The following DMD variants were observed in gnomAD, a reference collection of about 807,000 sequenced individuals.
The protein encoded by DMD is mutant dystrophin.
DMD carries 63 observed loss-of-function variants against 330.1 expected under a neutral mutation model. The ratio of observed to expected loss-of-function variants is 0.19; its 90% CI spans 0.16 to 0.24. DMD has a LOEUF of 0.24. DMD is among the 10% of genes least tolerant of loss of function. DMD has a pLI of 1.00. For missense variants in DMD, 3,344 were observed against 2,684.1 expected, an observed-to-expected ratio of 1.25 and a Z score of -5.43; for synonymous variants, 1,223 against 959.8, an observed-to-expected ratio of 1.27 and a Z score of -5.07.
At chrX:32,041,318 C>A (rs748665774) in intron 44 of DMD, among the ~76,000 whole-genome samples, 14 of 111,938 alleles carry the variant, frequency 1.3e-4, no homozygotes, top group Non-Finnish European at 7.5e-5. Flanking sequence ...TCTCTCCCCC[C>A]TTCCTGGTGA....
intron 51 of DMD, among the ~76,000 whole-genome samples, chrX:31,771,195 T>C (rs1166704128): frequency 9.0e-6 from 1 of 110,622 alleles, no homozygotes; most frequent in Non-Finnish European, 1.9e-5. Flanking sequence ...CTCACACACA[T>C]TTGTTTAATG....
intron 1 of DMD, among the ~76,000 whole-genome samples, chrX:33,288,530 A>G (rs1330109354): frequency 9.0e-6 from 1 of 110,920 alleles, no homozygotes; most frequent in Admixed American, 9.6e-5. Flanking sequence ...TGTACATCCC[A>G]TTGTGACATC....
chrX:31,565,280 ATC>A (rs762602130), intron 55 of DMD, among the ~76,000 whole-genome samples: 4 of 109,513 alleles, frequency 3.7e-5, no homozygotes, highest in Non-Finnish European at 5.7e-5. Flanking sequence ...AGTCACATCC[ATC>A]TCTCTCTCTC....
At chrX:32,589,257 G>A (rs1569260270) in intron 13 of DMD, among the ~76,000 whole-genome samples, 2 of 111,196 alleles carry the variant, frequency 1.8e-5, no homozygotes, top group African/African-American at 3.3e-5. Flanking sequence ...AGTACCAATC[G>A]TGGGCGTAAA....
At chrX:32,935,440 G>A (rs2089945913) in intron 2 of DMD, among the ~76,000 whole-genome samples, 1 of 111,913 alleles carries the variant, frequency 8.9e-6, no homozygotes, top group South Asian at 3.7e-4. Flanking sequence ...GAAAATGTTT[G>A]TGGACCTCTA....
intron 2 of DMD, among the ~76,000 whole-genome samples, chrX:32,947,683 T>C (rs1181722885): frequency 8.9e-6 from 1 of 111,996 alleles, no homozygotes; most frequent in East Asian, 2.8e-4. Context: ...TTTTTCATGT[T>C]ATCATAACAT....
chrX:33,077,333 G>A lies in DMD; in HGVS notation c.32-57133C>T, dbSNP rs1214440183. Among the ~76,000 whole-genome samples, 16 of 111,721 alleles carry A rather than the reference G, an allele frequency of 1.4e-4. No homozygotes were observed. In the Admixed American group the frequency reaches 1.5e-3, roughly 11 times the overall value. ...CAGCCTATGCCCAGGAATGAACGAA[G>A]ACAGCTTGGAGGTTAGAAGCAAGAT... On this transcript the variant is annotated intron_variant, in intron 1 of 78. Coordinates refer to ENST00000357033, the MANE Select transcript of DMD (RefSeq NM_004006.3).
At chrX:32,006,743 A>T (rs749416219) in intron 44 of DMD, among the ~76,000 whole-genome samples, 17 of 110,582 alleles carry the variant, frequency 1.5e-4, no homozygotes, top group African/African-American at 4.9e-4. Flanking sequence ...CCATGAATTT[A>T]GGGTGGGCTC....
chrX:32,798,145 C>T (rs1247110953), intron 7 of DMD, among the ~76,000 whole-genome samples: 2 of 111,707 alleles, frequency 1.8e-5, no homozygotes, highest in Non-Finnish European at 3.8e-5. Context: ...AGGGTAAATT[C>T]AAGCCAGGCT....
chrX:32,775,736 G>A (rs1401373426), intron 7 of DMD, among the ~76,000 whole-genome samples: 3 of 113,005 alleles, frequency 2.7e-5, no homozygotes, highest in Non-Finnish European at 3.7e-5. Flanking sequence ...GAAGGGGCTG[G>A]CACAAAGGTC....
At chrX:32,969,027 C>CCAAAAAAAAAAAAAAAAAA (rs2092280100) in intron 2 of DMD, among the ~76,000 whole-genome samples, 3 of 19,823 alleles carry the variant, frequency 1.5e-4, no homozygotes, top group African/African-American at 4.7e-4. Context: ...GATTCTGTCT[C>CCAAAAAAAAAAAAAAAAAA]AAAAAAAAAA....
chrX:32,490,239 A>C (rs1053162108), intron 20 of DMD, among the ~76,000 whole-genome samples: 1 of 111,697 alleles, frequency 9.0e-6, no homozygotes, highest in African/African-American at 3.3e-5. Flanking sequence ...TCTATCACTA[A>C]ACGTTCATCC....
intron 13 of DMD, among the ~76,000 whole-genome samples, chrX:32,594,461 A>G (rs1483885313): frequency 9.0e-6 from 1 of 111,281 alleles, no homozygotes; most frequent in Non-Finnish European, 1.9e-5. Context: ...TCTAATAAAA[A>G]GCCTGCTAAG....
At chrX:31,827,544 T>C (rs1222061695) in intron 49 of DMD, among the ~76,000 whole-genome samples, 1 of 111,698 alleles carries the variant, frequency 9.0e-6, no homozygotes, top group African/African-American at 3.3e-5. Context: ...AAAGAAACAA[T>C]GGACTTAAAT....
chrX:31,473,720 A>AAAAAAAAAAG (rs1310270784), intron 59 of DMD, among the ~76,000 whole-genome samples: 1 of 104,381 alleles, frequency 9.6e-6, no homozygotes. Context: ...TCAAAAAAAA[A>AAAAAAAAAAG]AAAAAAAAGA....
At chrX:31,228,120 G>A (rs1247854795) in intron 63 of DMD, among the ~76,000 whole-genome samples, 1 of 102,412 alleles carries the variant, frequency 9.8e-6, no homozygotes, top group Non-Finnish European at 2.0e-5. Context: ...GGTGGGGGGA[G>A]TGGGGGGGAT....
At chrX:32,771,415 C>G (rs1406617968) in intron 7 of DMD, among the ~76,000 whole-genome samples, 2 of 110,647 alleles carry the variant, frequency 1.8e-5, no homozygotes, top group Non-Finnish European at 3.8e-5. Flanking sequence ...ACAAACCTAG[C>G]AAACTAAGTA....
Position 32,644,318 on chromosome X carries a change from C to A in DMD, c.1150-5G>T. The A allele has an allele frequency of 1.7e-6, 2 of 1,209,222 alleles. No individual in the cohort carries two copies. Among genetic ancestry groups the A allele is most frequent in the South Asian group, 1.8e-5 (1 of 56,892 alleles). ...TGTCAAATCCATCATGTACCCCTGA[C>A]AAAGAAGGAAGTTAACAATTGTAAT... On this transcript the variant is annotated splice_polypyrimidine_tract_variant and splice_region_variant and intron_variant, in intron 10 of 78. Coordinates refer to ENST00000357033, the MANE Select transcript of DMD (RefSeq NM_004006.3).
intron 28 of DMD, among the ~76,000 whole-genome samples, 174 bp from the exon 29 acceptor site, chrX:32,438,564 G>C (rs1264927863): frequency 1.8e-5 from 2 of 111,913 alleles, no homozygotes; most frequent in Non-Finnish European, 3.8e-5. Flanking sequence ...AAAATAGGAT[G>C]TCATTCTATA....
Sources: allele counts gnomAD v4.1 joint callset (sites outside exome capture counted in the v4.1 genomes callset), GRCh38; gene constraint gnomAD v4.1.1; transcripts MANE v1.5; gene names NCBI Gene and HGNC (gene_info 2026-07-23, HGNC 2026-07-21).